SEC24B: variants seen among roughly 807,000 people sequenced by gnomAD.
SEC24B encodes the protein protein transport protein Sec24B.
Under a neutral mutation model 142.8 loss-of-function variants are expected in SEC24B, and 45 were observed. The ratio of observed to expected loss-of-function variants is 0.32; its 90% CI spans 0.25 to 0.40. The LOEUF (loss-of-function observed/expected upper bound fraction) is 0.40. Ranked by LOEUF, SEC24B falls within the 10% of genes least tolerant of loss-of-function variation. The pLI is 1.00. For synonymous variants in SEC24B, 574 were observed against 568.2 expected, an observed-to-expected ratio of 1.01 and a Z score of -0.15; for missense variants, 1,409 against 1,526.8, an observed-to-expected ratio of 0.92 and a Z score of 1.29.
chr4:109,486,912 C>T (rs951393959), intron 4 of SEC24B, among the ~76,000 whole-genome samples: 1 of 152,058 alleles, frequency 6.6e-6, no homozygotes, highest in Admixed American at 6.5e-5. Context: ...CGCCTGTAAT[C>T]CCAGCACTTT....
At chr4:109,512,149 C>T (rs1189513512) in intron 9 of SEC24B, 66 bp downstream of exon 9, 23 of 1,401,064 alleles carry the variant, frequency 1.6e-5, no homozygotes, top group Admixed American at 4.5e-5. Flanking sequence ...AGATTTTTGT[C>T]ATCTCCTGGT....
intron 5 of SEC24B, among the ~76,000 whole-genome samples, chr4:109,493,978 C>T (rs570329616): frequency 3.5e-4 from 53 of 152,270 alleles, no homozygotes; most frequent in African/African-American, 1.0e-3. Flanking sequence ...AAACATGCTA[C>T]TCCTTCCATA....
At chr4:109,525,952 G>A (rs569209677) in intron 16 of SEC24B, among the ~76,000 whole-genome samples, 2 of 152,154 alleles carry the variant, frequency 1.3e-5, no homozygotes, top group African/African-American at 4.8e-5. Context: ...TAAATTAAAT[G>A]TTTAGTCAGA....
intron 4 of SEC24B, among the ~76,000 whole-genome samples, chr4:109,485,183 G>A (rs905928049): frequency 1.3e-5 from 2 of 152,316 alleles, no homozygotes; most frequent in East Asian, 1.9e-4. Context: ...GTGGCAAATC[G>A]TAAACACTCA....
rs189020346 is a variant in SEC24B, at chr4:109,452,369, A to C, written c.134-10532A>C. On this transcript the variant is annotated intron_variant, in intron 1 of 23. Transcript: ENST00000265175. ...TTCCAGTGTTTGGTAGTTATAAAAA[A>C]AGCTACCATAAACATTCATGTACTG... is the stretch of plus-strand genomic sequence containing the variant. Among the ~76,000 whole-genome samples the C allele has an allele frequency of 9.2e-3, 1,403 of 152,346 alleles. 12 individuals are homozygous for C. Among genetic ancestry groups the C allele is most frequent in the Non-Finnish European group, 0.014 (961 of 68,034 alleles).
intron 2 of SEC24B, among the ~76,000 whole-genome samples, chr4:109,464,050 G>C (rs547808846): frequency 6.6e-6 from 1 of 152,262 alleles, no homozygotes; most frequent in Non-Finnish European, 1.5e-5. Flanking sequence ...TAGAAAAAAG[G>C]ATGGTTTGCA....
chr4:109,471,394 C>T (rs1398277131), intron 2 of SEC24B, among the ~76,000 whole-genome samples: 2 of 152,172 alleles, frequency 1.3e-5, no homozygotes, highest in Non-Finnish European at 2.9e-5. Context: ...ATCTGCCCAC[C>T]TTGGCCTCCT....
chr4:109,467,855 A>T lies in SEC24B; in HGVS notation c.877+4211A>T, dbSNP rs867692660. 2.4e-4 allele frequency among the ~76,000 whole-genome samples: 36 copies of T among 152,344 alleles called. 1 individual carries two copies. Among genetic ancestry groups the T allele is most frequent in the Middle Eastern group, 3.4e-3 (1 of 294 alleles). ...TGATTAATGCTGTTTTCTGATGCACAGTTTTATATAAAAGCATTTAAAAAG... is the reference window on the plus strand; with the variant it reads ...TGATTAATGCTGTTTTCTGATGCACTGTTTTATATAAAAGCATTTAAAAAG... On this transcript the variant is annotated intron_variant, in intron 2 of 23. Transcript: ENST00000265175.
At chr4:109,527,299 A>AT in intron 17 of SEC24B, 23 bp from the exon 18 acceptor site, 1 of 1,485,156 alleles carries the variant, frequency 6.7e-7, no homozygotes, top group Non-Finnish European at 9.3e-7. Context: ...GATCTAATGT[A>AT]TTTTCAATGA....
intron 1 of SEC24B, among the ~76,000 whole-genome samples, chr4:109,453,594 C>T (rs1438063576): frequency 6.6e-6 from 1 of 152,088 alleles, no homozygotes; most frequent in African/African-American, 2.4e-5. Flanking sequence ...GGTTATCTCC[C>T]TTGTTCCTGA....
At chr4:109,461,128 AAAGC>A (rs1417592202) in intron 1 of SEC24B, among the ~76,000 whole-genome samples, 21 of 152,172 alleles carry the variant, frequency 1.4e-4, no homozygotes, top group Non-Finnish European at 2.8e-4. Context: ...TGCTACAGAA[AAAGC>A]AAACAGCAGA....
At chr4:109,533,948 T>A (rs1195771066) in intron 22 of SEC24B, among the ~76,000 whole-genome samples, 1 of 152,186 alleles carries the variant, frequency 6.6e-6, no homozygotes, top group Non-Finnish European at 1.5e-5. Context: ...GTTCTGGATA[T>A]GTTATATAAA....
intron 14 of SEC24B, among the ~76,000 whole-genome samples, chr4:109,523,518 G>A (rs961471776): frequency 2.0e-5 from 3 of 151,860 alleles, no homozygotes; most frequent in African/African-American, 7.3e-5. Context: ...AGGAATATAC[G>A]AAGCTGAACA....
At chr4:109,473,332 A>G in intron 3 of SEC24B, 146 bp downstream of exon 3, 2 of 497,514 alleles carry the variant, frequency 4.0e-6, no homozygotes, top group Non-Finnish European at 6.7e-6. Flanking sequence ...TTACATAATT[A>G]CATACCATTT....
rs375880624 is a variant in SEC24B, at chr4:109,453,469, T to C, written c.134-9432T>C. Among the ~76,000 whole-genome samples, 316 of 102,728 alleles carry C rather than the reference T, an allele frequency of 3.1e-3. 2 individuals carry two copies. The highest frequency in any genetic ancestry group is 0.011 in the African/African-American group (300 of 27,364). The allele number at this position is 102,728 out of a possible 152,430, so 67.4% of individuals were successfully genotyped here. A position where few individuals can be genotyped will look rare whatever the true frequency, so the allele number is the denominator to read the frequency against. Reference sequence around the variant, plus strand: ...CCCCCCCCCCCCCCCCGAATGGCTGTTAATTATTAATATTCCTTACTGGGG... The same window carrying C: ...CCCCCCCCCCCCCCCCGAATGGCTGCTAATTATTAATATTCCTTACTGGGG... On this transcript the variant is annotated intron_variant, in intron 1 of 23. Coordinates refer to ENST00000265175, the MANE Select transcript of SEC24B (RefSeq NM_006323.5).
chr4:109,510,270 G>A (rs1220190952), intron 8 of SEC24B, among the ~76,000 whole-genome samples, 159 bp downstream of exon 8: 1 of 152,084 alleles, frequency 6.6e-6, no homozygotes, highest in Admixed American at 6.6e-5. Flanking sequence ...TTGAACACCT[G>A]CTTTGTGACA....
chr4:109,505,036 G>T (rs1169322776), intron 6 of SEC24B, among the ~76,000 whole-genome samples: 1 of 151,994 alleles, frequency 6.6e-6, no homozygotes, highest in Non-Finnish European at 1.5e-5. Flanking sequence ...ACAATGGAAG[G>T]ATTAAACTAT....
chr4:109,436,185 C>G (rs1728392487), intron 1 of SEC24B, among the ~76,000 whole-genome samples: 1 of 152,108 alleles, frequency 6.6e-6, no homozygotes, highest in Non-Finnish European at 1.5e-5. Context: ...TCAGGTGATC[C>G]TCACACCTTA....
intron 2 of SEC24B, among the ~76,000 whole-genome samples, chr4:109,466,477 C>T (rs868637858): frequency 6.6e-6 from 1 of 152,350 alleles, no homozygotes; most frequent in African/African-American, 2.4e-5. Context: ...GTGGCGCCAT[C>T]TCAGCTCACT....
Sources: allele counts gnomAD v4.1 joint callset (sites outside exome capture counted in the v4.1 genomes callset), GRCh38; gene constraint gnomAD v4.1.1; transcripts MANE v1.5; gene names NCBI Gene and HGNC (gene_info 2026-07-23, HGNC 2026-07-21).